The following THRB variants were observed in gnomAD, a reference collection of about 807,000 sequenced individuals.
THRB encodes nuclear receptor subfamily 1 group A member 2.
Under a neutral mutation model 47.8 loss-of-function variants are expected in THRB, and 12 were observed. The ratio of observed to expected loss-of-function variants is 0.25; its 90% CI spans 0.16 to 0.41. The LOEUF (loss-of-function observed/expected upper bound fraction) is 0.41. THRB is among the 10% of genes least tolerant of loss of function. THRB has a pLI of 1.00. For synonymous variants in THRB, 218 were observed against 212.2 expected, an observed-to-expected ratio of 1.03 and a Z score of -0.24; for missense variants, 348 against 589.2, an observed-to-expected ratio of 0.59 and a Z score of 4.24.
intron 4 of THRB, among the ~76,000 whole-genome samples, chr3:24,207,884 T>C (rs572280190): frequency 1.2e-4 from 19 of 152,250 alleles, no homozygotes; most frequent in African/African-American, 4.3e-4. Context: ...GGTATTCAAT[T>C]AGGAAAAGAG....
intron 2 of THRB, among the ~76,000 whole-genome samples, chr3:24,322,944 C>A: frequency 6.6e-6 from 1 of 152,136 alleles, no homozygotes; most frequent in East Asian, 1.9e-4. Flanking sequence ...GTATCAGTCC[C>A]AGATCGGTAC....
At chr3:24,329,641 T>C (rs1276115740) in intron 2 of THRB, among the ~76,000 whole-genome samples, 1 of 152,262 alleles carries the variant, frequency 6.6e-6, no homozygotes, top group Non-Finnish European at 1.5e-5. Flanking sequence ...TCATGTATCC[T>C]TTCCACCACA....
At chr3:24,221,982 T>C (rs2047203999) in intron 4 of THRB, among the ~76,000 whole-genome samples, 1 of 152,210 alleles carries the variant, frequency 6.6e-6, no homozygotes, top group Admixed American at 6.5e-5. Context: ...TCATGTAGCC[T>C]ATAGGGCATC....
At chr3:24,343,729 G>A (rs950614242) in intron 1 of THRB, among the ~76,000 whole-genome samples, 4 of 151,804 alleles carry the variant, frequency 2.6e-5, no homozygotes, top group African/African-American at 9.7e-5. Flanking sequence ...ATAGCACCCA[G>A]ACAGGCATTG....
intron 1 of THRB, among the ~76,000 whole-genome samples, chr3:24,364,409 T>A (rs577806915): frequency 3.3e-5 from 5 of 152,312 alleles, no homozygotes; most frequent in African/African-American, 1.2e-4. Context: ...GCACTTTATA[T>A]TTTTAGTAAT....
rs114575217 is a variant in THRB at position 24,157,557 on chromosome 3, C to T, written c.284-5067G>A. Among the ~76,000 whole-genome samples, 962 of 152,162 alleles carry T rather than the reference C, an allele frequency of 6.3e-3. 10 individuals are homozygous for T. The highest frequency in any genetic ancestry group is 0.022 in the African/African-American group (926 of 41,518). ...TAACTTTTATTTTTTGAGACAGGGA[C>T]TCACTTCTGTCACCCGGACTGGAGT... On this transcript the variant is annotated intron_variant, in intron 5 of 10. Coordinates refer to ENST00000646209, the MANE Select transcript of THRB (RefSeq NM_001354712.2).
intron 1 of THRB, among the ~76,000 whole-genome samples, chr3:24,424,630 C>T (rs995060357): frequency 6.6e-6 from 1 of 151,970 alleles, no homozygotes; most frequent in Non-Finnish European, 1.5e-5. Context: ...CATGTACCTT[C>T]ACTGTTCCTC....
At chr3:24,133,916 C>T (rs1056789754) in intron 8 of THRB, among the ~76,000 whole-genome samples, 2 of 152,174 alleles carry the variant, frequency 1.3e-5, no homozygotes, top group Admixed American at 6.5e-5. Context: ...CCCTAGCAAA[C>T]AGCGCCCTGT....
intron 8 of THRB, among the ~76,000 whole-genome samples, chr3:24,135,835 ATATATATAT>A (rs199787326): frequency 0.015 from 1,763 of 121,438 alleles, 51 homozygotes; most frequent in African/African-American, 0.05. Context: ...ATATATATAT[ATATATATAT>A]ATAATACATA....
intron 3 of THRB, among the ~76,000 whole-genome samples, chr3:24,246,740 T>G (rs753644377): frequency 1.3e-5 from 2 of 152,182 alleles, no homozygotes; most frequent in African/African-American, 2.4e-5. Context: ...GATCCCAAAA[T>G]GATAGTTTTT....
intron 3 of THRB, among the ~76,000 whole-genome samples, chr3:24,262,283 A>C (rs1390898771): frequency 6.6e-6 from 1 of 152,182 alleles, no homozygotes; most frequent in Non-Finnish European, 1.5e-5. Flanking sequence ...GGATTTTTAT[A>C]ATAACCTGGT....
At chr3:24,317,008 T>C (rs2058161933) in intron 2 of THRB, among the ~76,000 whole-genome samples, 1 of 152,218 alleles carries the variant, frequency 6.6e-6, no homozygotes, top group Non-Finnish European at 1.5e-5. Flanking sequence ...TTTATTACTA[T>C]CTGTCTCCCC....
chr3:24,324,046 C>T (rs550011340), intron 2 of THRB, among the ~76,000 whole-genome samples: 215 of 152,272 alleles, frequency 1.4e-3, no homozygotes, highest in African/African-American at 5.0e-3. Context: ...TACAATCTCC[C>T]CAGCCACCTT....
At chr3:24,146,289 G>A (rs1449563158) in intron 7 of THRB, among the ~76,000 whole-genome samples, 2 of 152,230 alleles carry the variant, frequency 1.3e-5, no homozygotes, top group African/African-American at 4.8e-5. Flanking sequence ...TCTACCCCAT[G>A]TGAACACTGT....
chr3:24,331,834 C>T (rs2061950468), intron 2 of THRB, among the ~76,000 whole-genome samples: 1 of 152,120 alleles, frequency 6.6e-6, no homozygotes, highest in African/African-American at 2.4e-5. Context: ...TAATACCGAG[C>T]TTATAACCAC....
chr3:24,341,611 T>C (rs1417566466), intron 1 of THRB, among the ~76,000 whole-genome samples: 3 of 152,154 alleles, frequency 2.0e-5, no homozygotes, highest in Non-Finnish European at 4.4e-5. Flanking sequence ...CATCTACCCT[T>C]TTATCATGTA....
At chr3:24,428,061 T>C (rs2069955257) in intron 1 of THRB, among the ~76,000 whole-genome samples, 1 of 152,054 alleles carries the variant, frequency 6.6e-6, no homozygotes, top group Non-Finnish European at 1.5e-5. Context: ...CACTAATGGT[T>C]CCCTGTGGAT....
chr3:24,190,576 G>A (rs2043204975), intron 4 of THRB, among the ~76,000 whole-genome samples: 1 of 152,076 alleles, frequency 6.6e-6, no homozygotes, highest in Non-Finnish European at 1.5e-5. Flanking sequence ...AAAGACATTA[G>A]TTCCTGCATG....
intron 2 of THRB, among the ~76,000 whole-genome samples, chr3:24,336,813 C>G (rs1261400366): frequency 6.6e-6 from 1 of 151,712 alleles, no homozygotes; most frequent in Non-Finnish European, 1.5e-5. Context: ...GCTCCGCCTC[C>G]TGGGTTCACA....
Sources: gnomAD v4.1 joint callset for allele counts (sites outside exome capture counted in the v4.1 genomes callset) on GRCh38, gnomAD v4.1.1 for gene constraint, MANE v1.5 for transcripts, NCBI Gene and HGNC (gene_info 2026-07-23, HGNC 2026-07-21) for gene names.